PTPRD: variants seen among roughly 807,000 people sequenced by gnomAD.
The protein encoded by PTPRD is receptor-type tyrosine-protein phosphatase delta.
Under a neutral mutation model 214.5 loss-of-function variants are expected in PTPRD, and 34 were observed. The observed-to-expected ratio is 0.16, with a 90% CI of 0.12 to 0.21. The LOEUF (loss-of-function observed/expected upper bound fraction) is 0.21. PTPRD is among the 10% of genes least tolerant of loss of function. The pLI, the probability that PTPRD is intolerant of heterozygous loss-of-function variation, is 1.00. For synonymous variants in PTPRD, 1,128 were observed against 845.7 expected, an observed-to-expected ratio of 1.33 and a Z score of -5.79; for missense variants, 2,545 against 2,398.7, an observed-to-expected ratio of 1.06 and a Z score of -1.27.
intron 5 of PTPRD, among the ~76,000 whole-genome samples, chr9:9,910,683 T>A (rs1246236190): frequency 2.0e-5 from 3 of 151,996 alleles, no homozygotes; most frequent in African/African-American, 7.2e-5. Context: ...TATATATAGA[T>A]GTATTTGTCA....
At chr9:10,469,971 A>G (rs1162950681) in intron 2 of PTPRD, among the ~76,000 whole-genome samples, 4 of 151,804 alleles carry the variant, frequency 2.6e-5, no homozygotes, top group African/African-American at 9.7e-5. Context: ...TCATGAAGGT[A>G]GTCAATAGAC....
chr9:8,583,999 C>A (rs1006611621), intron 14 of PTPRD, among the ~76,000 whole-genome samples: 3 of 152,036 alleles, frequency 2.0e-5, no homozygotes, highest in African/African-American at 7.2e-5. Flanking sequence ...AAAAAATATA[C>A]AAATTAGCCA....
chr9:9,845,135 TATATATATATATTGCTCTATATATAG>T (rs2059247953), intron 5 of PTPRD, among the ~76,000 whole-genome samples: 1 of 1,848 alleles, frequency 5.4e-4, no homozygotes, highest in South Asian at 0.042. Context: ...TATAGAGCAA[TATATATATATATTGCTCTATATATAG>T]AGCAATATAT....
At chr9:9,902,815 C>G (rs1462904207) in intron 5 of PTPRD, among the ~76,000 whole-genome samples, 1 of 152,062 alleles carries the variant, frequency 6.6e-6, no homozygotes, top group African/African-American at 2.4e-5. Context: ...CAAACTTTTT[C>G]CAAGCACACT....
chr9:9,044,416 T>C (rs2099663415), intron 10 of PTPRD, among the ~76,000 whole-genome samples: 1 of 152,256 alleles, frequency 6.6e-6, no homozygotes, highest in Admixed American at 6.5e-5. Context: ...CAGGTCCTAC[T>C]GAGGACACTT....
Position 9,924,949 on chromosome 9 carries a change from G to C in PTPRD, c.-368+13558C>G, listed in dbSNP as rs190295160. Among the ~76,000 whole-genome samples the C allele has an allele frequency of 4.1e-3, 617 of 152,132 alleles. 3 individuals are homozygous for C. Among genetic ancestry groups the C allele is most frequent in the African/African-American group, 0.014 (585 of 41,520 alleles). ...GAAATACTAATCATCTCTTGTGTTA[G>C]TAATAGAATTTGTAAATTTCCACAA... On this transcript the variant is annotated intron_variant, in intron 5 of 45. Coordinates refer to ENST00000381196, the MANE Select transcript of PTPRD (RefSeq NM_002839.4).
intron 11 of PTPRD, among the ~76,000 whole-genome samples, chr9:8,902,426 T>C (rs2098677381): frequency 6.6e-6 from 1 of 151,136 alleles, no homozygotes; most frequent in Admixed American, 6.6e-5. Flanking sequence ...AACTGTAACC[T>C]CCGCCTCCTG....
intron 39 of PTPRD, among the ~76,000 whole-genome samples, chr9:8,358,477 T>C (rs1480016391): frequency 6.6e-6 from 1 of 152,208 alleles, no homozygotes; most frequent in Non-Finnish European, 1.5e-5. Context: ...AGATACTAAC[T>C]CTGGCTCTTC....
chr9:9,026,923 A>T (rs1569459652), intron 10 of PTPRD, among the ~76,000 whole-genome samples: 1 of 151,630 alleles, frequency 6.6e-6, no homozygotes, highest in Non-Finnish European at 1.5e-5. Context: ...ACATTCCAGG[A>T]AGGAATCTCC....
chr9:8,601,530 C>T (rs899436144), intron 14 of PTPRD, among the ~76,000 whole-genome samples: 1 of 152,116 alleles, frequency 6.6e-6, no homozygotes, highest in Non-Finnish European at 1.5e-5. Flanking sequence ...CTCCAGGCAG[C>T]TCAGCACACA....
At chr9:8,768,218 G>A (rs1164269511) in intron 11 of PTPRD, among the ~76,000 whole-genome samples, 1 of 152,138 alleles carries the variant, frequency 6.6e-6, no homozygotes, top group African/African-American at 2.4e-5. Flanking sequence ...AACATAGTGA[G>A]ACCCCCATCT....
At position 9,584,221 on chromosome 9, in the gene PTPRD, C is replaced by T. The variant is rs549660248; in HGVS notation, c.-286-9440G>A. Among the ~76,000 whole-genome samples the T allele has an allele frequency of 2.6e-5, 4 of 151,952 alleles. No individual in the cohort carries two copies. The South Asian group carries it at 8.3e-4, about 32-fold the overall frequency. ...AGAAATAGTTTATATATATGAAGTG[C>T]CCTGCAACCTCTGTCTCCCCTTAAT... On this transcript the variant is annotated intron_variant, in intron 7 of 45. Transcript: ENST00000381196.
At chr9:10,167,854 C>A (rs1592977097) in intron 3 of PTPRD, among the ~76,000 whole-genome samples, 1 of 152,184 alleles carries the variant, frequency 6.6e-6, no homozygotes, top group Non-Finnish European at 1.5e-5. Flanking sequence ...CCAAATTCAC[C>A]TTCTCCCTAT....
At chr9:10,016,157 G>A (rs1335644254) in intron 4 of PTPRD, among the ~76,000 whole-genome samples, 1 of 152,126 alleles carries the variant, frequency 6.6e-6, no homozygotes, top group African/African-American at 2.4e-5. Context: ...TACAATTTTG[G>A]GAGGTTTGTA....
intron 8 of PTPRD, among the ~76,000 whole-genome samples, chr9:9,454,725 A>G (rs1277004444): frequency 6.6e-6 from 1 of 151,694 alleles, no homozygotes; most frequent in Non-Finnish European, 1.5e-5. Context: ...CATTACACAT[A>G]CTGTAAAAGT....
chr9:9,090,452 T>G (rs1289878456), intron 10 of PTPRD, among the ~76,000 whole-genome samples: 1 of 152,200 alleles, frequency 6.6e-6, no homozygotes, highest in Admixed American at 6.5e-5. Context: ...GTGTCTTTAA[T>G]CAGAACATCA....
intron 9 of PTPRD, among the ~76,000 whole-genome samples, chr9:9,384,173 T>C (rs1207905093): frequency 6.6e-6 from 1 of 151,688 alleles, no homozygotes; most frequent in African/African-American, 2.4e-5. Context: ...TATATCTCAG[T>C]GTGTTACTTA....
At chr9:9,004,778 T>C (rs907091910) in intron 11 of PTPRD, among the ~76,000 whole-genome samples, 6 of 152,062 alleles carry the variant, frequency 3.9e-5, no homozygotes, top group East Asian at 1.9e-4. Context: ...TCTTTTGGTA[T>C]AGCAAGAGCA....
chr9:9,982,671 T>C (rs1466918755), intron 4 of PTPRD, among the ~76,000 whole-genome samples: 3 of 152,070 alleles, frequency 2.0e-5, no homozygotes, highest in East Asian at 1.9e-4. Context: ...AGAAGTCAGA[T>C]CAAGGCTTTC....
Sources: allele counts gnomAD v4.1 joint callset (sites outside exome capture counted in the v4.1 genomes callset), GRCh38; gene constraint gnomAD v4.1.1; transcripts MANE v1.5; gene names NCBI Gene and HGNC (gene_info 2026-07-23, HGNC 2026-07-21).